The following FAM193A variants were observed in gnomAD, a reference collection of about 807,000 sequenced individuals.
FAM193A encodes the protein family with sequence similarity 193 member A, also known as protein FAM193A.
In FAM193A, 22 loss-of-function variants were observed where a neutral mutation model predicts 126.5. The ratio of observed to expected loss-of-function variants is 0.17; its 90% CI spans 0.12 to 0.25. FAM193A has a LOEUF of 0.25. Among genes scored for constraint, FAM193A ranks in the 10% least tolerant of loss-of-function variants. The probability of loss-of-function intolerance (pLI) is 1.00; values close to 1 mark genes in which losing one functional copy is unlikely to be tolerated. For missense variants in FAM193A, 1,675 were observed against 1,672.8 expected (o/e 1.00, Z -0.02); for synonymous variants, 761 against 646.8 (o/e 1.18, Z -2.68).
At chr4:2,711,325 T>TTTTTTG (rs1335361179) in intron 19 of FAM193A, among the ~76,000 whole-genome samples, 26 of 151,830 alleles carry the variant, frequency 1.7e-4, no homozygotes, top group Non-Finnish European at 3.1e-4. Context: ...TAATTTTTCC[T>TTTTTTG]TTTTTGTTTG....
intron 10 of FAM193A, among the ~76,000 whole-genome samples, 176 bp downstream of exon 10, chr4:2,660,230 C>T (rs1712259152): frequency 6.6e-6 from 1 of 151,786 alleles, no homozygotes; most frequent in South Asian, 2.1e-4. Context: ...AAACTTTTAA[C>T]ACTGTTTATC....
intron 19 of FAM193A, among the ~76,000 whole-genome samples, chr4:2,703,447 A>G (rs547662517): frequency 4.6e-5 from 7 of 152,220 alleles, no homozygotes; most frequent in Non-Finnish European, 8.8e-5. Context: ...AGGTTTCACC[A>G]TGTTGGCCAG....
At chr4:2,557,680 C>T (rs979585142) in intron 1 of FAM193A, among the ~76,000 whole-genome samples, 5 of 152,050 alleles carry the variant, frequency 3.3e-5, no homozygotes, top group African/African-American at 7.2e-5. Flanking sequence ...TGGCTGGGCA[C>T]GGTGGCTCAC....
In FAM193A at chr4:2,551,760, C is replaced by T. The variant is rs553046692; in HGVS notation, c.255+14590C>T. On this transcript the variant is annotated intron_variant, in intron 1 of 20. Coordinates refer to ENST00000637812, the MANE Select transcript of FAM193A (RefSeq NM_001366318.2). ...TTTTACTGATTTTTCTCTGTTTTTC[C>T]GTTTTCAGTGTGTTTGATTTTTTTT... Among the ~76,000 whole-genome samples, 6 of 151,216 alleles carry T rather than the reference C, an allele frequency of 4.0e-5. No homozygotes were observed. The South Asian group carries it at 8.3e-4, about 21-fold the overall frequency.
chr4:2,655,081 G>C, intron 7 of FAM193A: 1 of 700,914 alleles, frequency 1.4e-6, no homozygotes. Context: ...GTGTGAATAA[G>C]AGCATTGATA....
At chr4:2,677,698 G>A (rs552541218) in intron 13 of FAM193A, among the ~76,000 whole-genome samples, 349 of 148,404 alleles carry the variant, frequency 2.4e-3, no homozygotes, top group Admixed American at 6.9e-3. Context: ...CCAAGATCGC[G>A]CCATTGCACT....
intron 13 of FAM193A, 127 bp from the exon 14 acceptor site, chr4:2,689,379 C>A: frequency 1.6e-6 from 1 of 632,322 alleles, no homozygotes; most frequent in Non-Finnish European, 2.6e-6. Flanking sequence ...TCCCCCTGGG[C>A]TGAGCTCAGC....
chr4:2,634,924 C>G (rs1408177014), intron 5 of FAM193A, among the ~76,000 whole-genome samples: 2 of 152,192 alleles, frequency 1.3e-5, no homozygotes, highest in African/African-American at 4.8e-5. Context: ...CGCAGTTAAT[C>G]AGCATTTTGC....
intron 1 of FAM193A, 53 bp downstream of exon 1, chr4:2,537,223 T>C (rs1736932807): frequency 2.0e-5 from 4 of 195,516 alleles, no homozygotes; most frequent in Non-Finnish European, 4.2e-5. Flanking sequence ...TGCCGTTCCC[T>C]CGCGCCTTGG....
intron 12 of FAM193A, among the ~76,000 whole-genome samples, chr4:2,668,115 A>G (rs543156509): frequency 1.3e-5 from 2 of 152,134 alleles, no homozygotes; most frequent in African/African-American, 2.4e-5. Context: ...GTGTTGCCCA[A>G]GTTTGTCTCA....
intron 13 of FAM193A, among the ~76,000 whole-genome samples, chr4:2,682,514 A>G (rs1490033674): frequency 1.3e-5 from 2 of 152,158 alleles, no homozygotes; most frequent in East Asian, 3.9e-4. Context: ...GTATTTGACT[A>G]TTCACATTTA....
chr4:2,614,960 G>GT (rs755270086), intron 2 of FAM193A, among the ~76,000 whole-genome samples: 1 of 152,046 alleles, frequency 6.6e-6, no homozygotes, highest in East Asian at 1.9e-4. Context: ...CCTGATACCA[G>GT]TTTTTTGAGT....
chr4:2,547,278 C>T (rs1166673352), intron 1 of FAM193A, among the ~76,000 whole-genome samples: 1 of 152,046 alleles, frequency 6.6e-6, no homozygotes, highest in African/African-American at 2.4e-5. Flanking sequence ...ATTCCAGCTA[C>T]TCGGGAGGTT....
intron 1 of FAM193A, among the ~76,000 whole-genome samples, chr4:2,572,114 G>T (rs192786066): frequency 1.3e-5 from 2 of 149,504 alleles, no homozygotes; most frequent in Non-Finnish European, 3.0e-5. Flanking sequence ...GCAGTGAGCC[G>T]AGATTACACC....
At chr4:2,555,288 G>A (rs1383325661) in intron 1 of FAM193A, among the ~76,000 whole-genome samples, 1 of 152,194 alleles carries the variant, frequency 6.6e-6, no homozygotes, top group Middle Eastern at 3.4e-3. Context: ...TATGTCATGG[G>A]CCTGTATAAC....
At chr4:2,673,702 C>T (rs147178541) in intron 13 of FAM193A, among the ~76,000 whole-genome samples, 356 of 152,198 alleles carry the variant, frequency 2.3e-3, no homozygotes, top group African/African-American at 7.4e-3. Flanking sequence ...CCTGCTGTAG[C>T]CTGAAGAGAG....
At chr4:2,599,968 T>C (rs985753772) in intron 2 of FAM193A, among the ~76,000 whole-genome samples, 5 of 152,060 alleles carry the variant, frequency 3.3e-5, no homozygotes, top group African/African-American at 9.7e-5. Context: ...GGTGCGATGT[T>C]GGCTCACTGC....
At chr4:2,697,272 C>T (rs1445759861) in intron 18 of FAM193A, among the ~76,000 whole-genome samples, 3 of 152,190 alleles carry the variant, frequency 2.0e-5, no homozygotes, top group African/African-American at 7.2e-5. Context: ...GGGAGGATCA[C>T]TTGAACCTCA....
intron 1 of FAM193A, among the ~76,000 whole-genome samples, chr4:2,593,817 C>G (rs79049292): frequency 6.6e-6 from 1 of 151,286 alleles, no homozygotes; most frequent in Non-Finnish European, 1.5e-5. Flanking sequence ...GAGCTGTTTT[C>G]TAAGACCTGA....
Sources: allele counts gnomAD v4.1 joint callset (sites outside exome capture counted in the v4.1 genomes callset), GRCh38; gene constraint gnomAD v4.1.1; transcripts MANE v1.5; gene names NCBI Gene and HGNC (gene_info 2026-07-23, HGNC 2026-07-21).